The following RSRC1 variants were observed in gnomAD, a reference collection of about 807,000 sequenced individuals.
RSRC1 encodes serine/Arginine-related protein 53.
RSRC1 carries 39 observed loss-of-function variants against 49.1 expected under a neutral mutation model. The ratio of observed to expected loss-of-function variants is 0.79; its 90% CI spans 0.61 to 1.04. The LOEUF is 1.04. Among genes scored for constraint, RSRC1 ranks in the 50% least tolerant of loss-of-function variants. The pLI is 0.00. For synonymous variants in RSRC1, 143 were observed against 130.8 expected, an observed-to-expected ratio of 1.09 and a Z score of -0.63; for missense variants, 388 against 402.4, an observed-to-expected ratio of 0.96 and a Z score of 0.31.
intron 5 of RSRC1, among the ~76,000 whole-genome samples, 181 bp from the exon 6 acceptor site, chr3:158,354,676 A>G (rs1731062430): frequency 6.6e-6 from 1 of 152,250 alleles, no homozygotes; most frequent in Admixed American, 6.5e-5. Flanking sequence ...AAATGAAAGA[A>G]GCTTATCATT....
At chr3:158,124,132 A>G (rs76544227) in intron 3 of RSRC1, 141 bp downstream of exon 3, 2 of 491,550 alleles carry the variant, frequency 4.1e-6, no homozygotes, top group East Asian at 8.1e-5. Flanking sequence ...ACCTGGGGTC[A>G]TTCATGCAGT....
intron 4 of RSRC1, among the ~76,000 whole-genome samples, chr3:158,280,687 C>A (rs1318092157): frequency 7.9e-6 from 1 of 127,258 alleles, no homozygotes; most frequent in Non-Finnish European, 1.6e-5. Context: ...TGCTCTTTTT[C>A]CCAGGCTGGA....
intron 6 of RSRC1, among the ~76,000 whole-genome samples, chr3:158,372,798 A>T (rs189511758): frequency 2.0e-4 from 30 of 152,050 alleles, no homozygotes; most frequent in African/African-American, 6.5e-4. Flanking sequence ...GAGAATTGGC[A>T]TCTTAACATA....
intron 4 of RSRC1, among the ~76,000 whole-genome samples, chr3:158,212,094 C>A (rs887188717): frequency 8.6e-5 from 13 of 151,790 alleles, no homozygotes; most frequent in Admixed American, 2.6e-4. Flanking sequence ...CTAATCTGAA[C>A]AGAGTTTTGT....
chr3:158,420,022 C>A (rs1009591405), intron 6 of RSRC1, among the ~76,000 whole-genome samples: 7 of 151,840 alleles, frequency 4.6e-5, no homozygotes, highest in African/African-American at 2.4e-5. Flanking sequence ...CTCTCTCCCC[C>A]CACTTCCTCC....
intron 3 of RSRC1, among the ~76,000 whole-genome samples, chr3:158,197,229 G>C (rs1266686107): frequency 6.6e-6 from 1 of 152,108 alleles, no homozygotes; most frequent in Non-Finnish European, 1.5e-5. Context: ...TTTAGTCTTG[G>C]GAGGGTGTAT....
At chr3:158,274,970 C>G (rs1487582522) in intron 4 of RSRC1, among the ~76,000 whole-genome samples, 2 of 152,110 alleles carry the variant, frequency 1.3e-5, no homozygotes, top group South Asian at 2.1e-4. Context: ...CTCCCCACCC[C>G]CCAGCAATGT....
intron 6 of RSRC1, among the ~76,000 whole-genome samples, chr3:158,414,668 G>T (rs1734648724): frequency 6.6e-6 from 1 of 151,894 alleles, no homozygotes; most frequent in Non-Finnish European, 1.5e-5. Flanking sequence ...ATTGCAATGA[G>T]CTATGATCAT....
intron 5 of RSRC1, among the ~76,000 whole-genome samples, chr3:158,346,447 G>A (rs142978742): frequency 1.2e-4 from 18 of 152,308 alleles, no homozygotes; most frequent in Admixed American, 5.2e-4. Flanking sequence ...ACTCAATTTT[G>A]AGAAAACAAT....
chr3:158,293,209 A>G (rs974884970), intron 4 of RSRC1, among the ~76,000 whole-genome samples: 1 of 152,152 alleles, frequency 6.6e-6, no homozygotes, highest in African/African-American at 2.4e-5. Flanking sequence ...TCCCTAGACT[A>G]GAATATACTT....
intron 4 of RSRC1, among the ~76,000 whole-genome samples, chr3:158,275,076 G>C (rs1193752467): frequency 6.6e-6 from 1 of 152,102 alleles, no homozygotes; most frequent in African/African-American, 2.4e-5. Context: ...TTATCTAATG[G>C]CCACTGGCTC....
At chr3:158,412,655 A>G (rs1045616145) in intron 6 of RSRC1, among the ~76,000 whole-genome samples, 1 of 152,150 alleles carries the variant, frequency 6.6e-6, no homozygotes, top group African/African-American at 2.4e-5. Flanking sequence ...AAGGGTTAAG[A>G]TAAAAATTTA....
At chr3:158,113,421 T>G (rs907761491) in intron 1 of RSRC1, among the ~76,000 whole-genome samples, 1 of 148,628 alleles carries the variant, frequency 6.7e-6, no homozygotes, top group African/African-American at 2.5e-5. Flanking sequence ...CAGGCTGGAG[T>G]GCAGTGGTGC....
At chr3:158,149,350 T>A (rs569508548) in intron 3 of RSRC1, among the ~76,000 whole-genome samples, 1 of 152,276 alleles carries the variant, frequency 6.6e-6, no homozygotes, top group South Asian at 2.1e-4. Flanking sequence ...ATAATTCTTA[T>A]ATGGGATGAG....
intron 4 of RSRC1, among the ~76,000 whole-genome samples, chr3:158,263,311 T>C (rs1724998063): frequency 6.6e-6 from 1 of 152,152 alleles, no homozygotes; most frequent in South Asian, 2.1e-4. Context: ...AAATTATTAA[T>C]ATGGGGAACT....
In RSRC1 at chr3:158,310,220, A is replaced by T. The variant is rs185263878; in HGVS notation, c.531+12145A>T. On this transcript the variant is annotated intron_variant, in intron 5 of 9. Coordinates refer to ENST00000611884, the MANE Select transcript of RSRC1 (RefSeq NM_001271838.2). Reference sequence around the variant, plus strand: ...CCTTACTTTTTTCTTAGAAAAATTTAGCATATTTTTCATAATTGACTAAAT... The same window carrying T: ...CCTTACTTTTTTCTTAGAAAAATTTTGCATATTTTTCATAATTGACTAAAT... Among the ~76,000 whole-genome samples the T allele has an allele frequency of 7.9e-5, 12 of 151,796 alleles. No individual in the cohort carries two copies. In the East Asian group the frequency reaches 2.3e-3, roughly 29 times the overall value.
chr3:158,491,029 T>C (rs1739063256), intron 7 of RSRC1, among the ~76,000 whole-genome samples: 1 of 152,202 alleles, frequency 6.6e-6, no homozygotes, highest in African/African-American at 2.4e-5. Context: ...ATTTATGAGG[T>C]CAGTACATTA....
intron 4 of RSRC1, among the ~76,000 whole-genome samples, chr3:158,286,516 T>C (rs1726572230): frequency 1.3e-5 from 2 of 152,180 alleles, no homozygotes; most frequent in Admixed American, 6.6e-5. Context: ...ACAAATACTA[T>C]GAAAATTTAA....
chr3:158,354,697 A>G (rs1040001026), intron 5 of RSRC1, among the ~76,000 whole-genome samples, 160 bp from the exon 6 acceptor site: 2 of 152,234 alleles, frequency 1.3e-5, no homozygotes, highest in African/African-American at 4.8e-5. Context: ...CTTGCATCAT[A>G]TATGCAAGTG....
Sources: allele counts gnomAD v4.1 joint callset (sites outside exome capture counted in the v4.1 genomes callset), GRCh38; gene constraint gnomAD v4.1.1; transcripts MANE v1.5; gene names NCBI Gene and HGNC (gene_info 2026-07-23, HGNC 2026-07-21).